Variants in OLFM1 observed in about 807,000 individuals in gnomAD.
The protein encoded by OLFM1 is olfactomedin 1.
Under a neutral mutation model 49.7 loss-of-function variants are expected in OLFM1, and 9 were observed. The observed-to-expected ratio is 0.18, with a 90% confidence interval of 0.11 to 0.32. The LOEUF is 0.32. Among genes scored for constraint, OLFM1 ranks in the 10% least tolerant of loss-of-function variants. OLFM1 has a pLI of 1.00. For synonymous variants in OLFM1, 240 were observed against 271.8 expected, an observed-to-expected ratio of 0.88 and a Z score of 1.15; for missense variants, 369 against 661.8, an observed-to-expected ratio of 0.56 and a Z score of 4.85.
intron 4 of OLFM1, among the ~76,000 whole-genome samples, chr9:135,105,248 G>A (rs1830924276): frequency 6.6e-6 from 1 of 152,240 alleles, no homozygotes; most frequent in Non-Finnish European, 1.5e-5. Context: ...TTCCAATCGG[G>A]GCAGAGGCGG....
At chr9:135,075,864 C>T in intron 1 of OLFM1, 1 of 1,506,102 alleles carries the variant, frequency 6.6e-7, no homozygotes, top group Non-Finnish European at 8.9e-7. Context: ...CTCGGGAGCC[C>T]CACAAAGTCC....
At position 135,091,855 on chromosome 9, in the gene OLFM1, TCA is replaced by T. The variant is rs72454853; in HGVS notation, c.300+1519_300+1520del. ...CAGTCACACACACACTCACACATAG[TCA>T]CACACACTCACACACAGTCACACAC... On this transcript the variant is annotated intron_variant, in intron 2 of 5. Transcript: ENST00000371793. 8.4e-3 allele frequency among the ~76,000 whole-genome samples: 901 copies of T among 107,696 alleles called. 4 individuals are homozygous for T. The highest frequency in any genetic ancestry group is 0.013 in the Non-Finnish European group (643 of 47,730). The allele number at this position is 107,696 out of a possible 152,430, so 70.7% of individuals were successfully genotyped here. A position where few individuals can be genotyped will look rare whatever the true frequency, so the allele number is the denominator to read the frequency against.
chr9:135,076,366 G>C, intron 1 of OLFM1: 1 of 1,530,638 alleles, frequency 6.5e-7, no homozygotes, highest in Non-Finnish European at 8.8e-7. Flanking sequence ...AGGGCTTGGG[G>C]GGCTGTGGCC....
At chr9:135,102,605 G>A (rs946325376) in intron 4 of OLFM1, among the ~76,000 whole-genome samples, 1 of 152,158 alleles carries the variant, frequency 6.6e-6, no homozygotes, top group Non-Finnish European at 1.5e-5. Context: ...CTCAGTGGCC[G>A]CCCCAGCCCA....
intron 1 of OLFM1, among the ~76,000 whole-genome samples, chr9:135,081,107 C>T (rs189488750): frequency 2.6e-5 from 4 of 152,122 alleles, no homozygotes; most frequent in South Asian, 2.1e-4. Context: ...TATCATGTTG[C>T]GGCGGTCCCA....
upstream of OLFM1, chr9:135,087,297 C>T: frequency 1.3e-6 from 2 of 1,506,528 alleles, no homozygotes; most frequent in Non-Finnish European, 1.8e-6. Context: ...GGCAGGACGG[C>T]GCCGTCTCTC....
intron 4 of OLFM1, among the ~76,000 whole-genome samples, chr9:135,099,268 G>GT (rs1387866199): frequency 3.3e-5 from 5 of 151,976 alleles, no homozygotes; most frequent in African/African-American, 1.2e-4. Flanking sequence ...TTTGTTTTTT[G>GT]TTTTTTGTTT....
At chr9:135,091,442 C>T (rs1564270300) in intron 2 of OLFM1, among the ~76,000 whole-genome samples, 1 of 151,990 alleles carries the variant, frequency 6.6e-6, no homozygotes, top group Non-Finnish European at 1.5e-5. Flanking sequence ...CACACTCACA[C>T]ATAGTCACAC....
At chr9:135,105,829 G>T (rs1477018184) in intron 4 of OLFM1, 1 of 152,326 alleles carries the variant, frequency 6.6e-6, no homozygotes, top group Admixed American at 6.5e-5. Flanking sequence ...CCCATCCAGG[G>T]TCCCTGTTAG....
intron 4 of OLFM1, chr9:135,106,511 C>T (rs778941084): frequency 5.1e-5 from 27 of 524,524 alleles, no homozygotes; most frequent in Non-Finnish European, 7.8e-5. Context: ...CTGCCCACGG[C>T]TCTTCCCTGC....
chr9:135,114,998 A>C (rs1367080116), intron 5 of OLFM1, among the ~76,000 whole-genome samples: 1 of 152,180 alleles, frequency 6.6e-6, no homozygotes, highest in African/African-American at 2.4e-5. Flanking sequence ...AGGAAGGATG[A>C]GGCCAGGCAG....
chr9:135,091,657 ACACACACAGT>A (rs1830699719), intron 2 of OLFM1, among the ~76,000 whole-genome samples: 1 of 81,356 alleles, frequency 1.2e-5, no homozygotes, highest in Non-Finnish European at 2.4e-5. Flanking sequence ...ACATAGTCAC[ACACACACAGT>A]CACACACTCA....
At chr9:135,091,589 A>T (rs1310771505) in intron 2 of OLFM1, among the ~76,000 whole-genome samples, 2 of 143,312 alleles carry the variant, frequency 1.4e-5, no homozygotes, top group Non-Finnish European at 3.0e-5. Flanking sequence ...ACACACTCAC[A>T]GTCACACACT....
chr9:135,118,267 T>C (rs1379696308), intron 5 of OLFM1, among the ~76,000 whole-genome samples: 3 of 151,790 alleles, frequency 2.0e-5, no homozygotes, highest in South Asian at 2.1e-4. Flanking sequence ...GAGTACTCAC[T>C]GGGTCTTTGG....
At chr9:135,092,849 C>A (rs1015442080) in intron 2 of OLFM1, among the ~76,000 whole-genome samples, 2 of 152,238 alleles carry the variant, frequency 1.3e-5, no homozygotes, top group Non-Finnish European at 2.9e-5. Flanking sequence ...GGCCCTTGCT[C>A]CTTAATGCAC....
rs1325825334 is a variant in OLFM1, at chr9:135,096,491, G to T, written c.456+472G>T. The stretch of plus-strand genomic sequence containing the variant: ...GACTGTTGCCCTTGGCAGTAGGGAG[G>T]CCACCACTGGCCCTGGCTTGGCAGA... On this transcript the variant is annotated intron_variant, in intron 3 of 5. Transcript: ENST00000371793. Among the ~76,000 whole-genome samples, 10 of 152,220 alleles carry T rather than the reference G, an allele frequency of 6.6e-5. No individual in the cohort carries two copies. In the East Asian group the frequency reaches 1.9e-3, roughly 29 times the overall value.
At position 135,098,287 on chromosome 9, in the gene OLFM1, C is replaced by T. The variant is rs367620749; in HGVS notation, c.458C>T (p.Ala153Val). The T allele has an allele frequency of 6.2e-6, 10 of 1,613,214 alleles. No individual in the cohort carries two copies. The highest frequency in any genetic ancestry group is 2.7e-5 in the African/African-American group (2 of 74,882). ...HKQHLARQFK[A>V]IKAKMDELRP... Reference sequence around the variant, plus strand: ...AACCAGCTTATTTTAACCTTGCAGGCGATAAAAGCGAAAATGGATGAACTT... The same window carrying T: ...AACCAGCTTATTTTAACCTTGCAGGTGATAAAAGCGAAAATGGATGAACTT... The change falls in exon 4 of 6, where the codon GCG becomes GTG. Residue 153 changes from alanine to valine, a missense_variant and splice_region_variant. This residue lies in a region of OLFM1 where 294 missense variants were observed against 567.5 expected (regional missense o/e 0.52). Coordinates refer to ENST00000371793, the MANE Select transcript of OLFM1 (RefSeq NM_001282611.2). The surrounding 1 kb of genome is among the most constrained non-coding windows in gnomAD (Gnocchi z 5.6).
intron 5 of OLFM1, among the ~76,000 whole-genome samples, chr9:135,118,521 A>AG (rs1831130832): frequency 3.7e-5 from 3 of 80,838 alleles, no homozygotes; most frequent in Non-Finnish European, 4.8e-5. Flanking sequence ...GGTCTTTGGA[A>AG]TGCTCGCTGG....
chr9:135,084,440 A>C (rs937419277), upstream of OLFM1, among the ~76,000 whole-genome samples: 9 of 48,306 alleles, frequency 1.9e-4, no homozygotes, highest in African/African-American at 8.1e-4. The surrounding 1 kb of genome is among the most constrained non-coding windows in gnomAD (Gnocchi z 4.6). Context: ...CTCTGTCTCT[A>C]TTATCTCTCC....
Sources: allele counts gnomAD v4.1 joint callset (sites outside exome capture counted in the v4.1 genomes callset), GRCh38; gene constraint gnomAD v4.1.1; regional missense constraint gnomAD v4.1.1; non-coding constraint Gnocchi (gnomAD v3.1); transcripts MANE v1.5; gene names NCBI Gene and HGNC (gene_info 2026-07-23, HGNC 2026-07-21).